Variants in ETFA observed in about 807,000 individuals in gnomAD.
The protein encoded by ETFA is electron transfer flavoprotein subunit alpha, also known as electron transfer flavoprotein subunit alpha, mitochondrial.
ETFA carries 22 observed loss-of-function variants against 46.2 expected under a neutral mutation model. That is an observed-to-expected ratio of 0.48 (90% CI 0.34 to 0.68). ETFA has a LOEUF of 0.68. Among genes scored for constraint, ETFA ranks in the 30% least tolerant of loss-of-function variants. The pLI, the probability that ETFA is intolerant of heterozygous loss-of-function variation, is 0.01. For missense variants in ETFA, 345 were observed against 401.1 expected (o/e 0.86, Z 1.19); for synonymous variants, 131 against 139.9 (o/e 0.94, Z 0.45).
At chr15:76,241,843 A>ATTT (rs148112189) in intron 9 of ETFA, among the ~76,000 whole-genome samples, 1 of 111,140 alleles carries the variant, frequency 9.0e-6, no homozygotes, top group Non-Finnish European at 1.7e-5. Flanking sequence ...TGACTATCAA[A>ATTT]TTTTTTTTTT....
chr15:76,259,634 C>G, intron 9 of ETFA: 1 of 886,596 alleles, frequency 1.1e-6, no homozygotes, highest in Non-Finnish European at 1.9e-6. Flanking sequence ...ACTTGACGGG[C>G]AATTTGGAGG....
chr15:76,294,888 T>A (rs2039801953), intron 2 of ETFA, among the ~76,000 whole-genome samples: 1 of 152,140 alleles, frequency 6.6e-6, no homozygotes, highest in Non-Finnish European at 1.5e-5. Flanking sequence ...CCTCAAAACA[T>A]ACTCCCTTCA....
rs2039063620 is a variant in ETFA at position 76,231,275 on chromosome 15, T to G, written c.882+58A>C. 5.6e-6 allele frequency: 6 copies of G among 1,076,200 alleles called. No individual in the cohort carries two copies. In the Admixed American group the frequency reaches 1.0e-4, roughly 18 times the overall value. The allele number at this position is 1,076,200 out of a possible 1,614,324, so 66.7% of individuals were successfully genotyped here. A position where few individuals can be genotyped will look rare whatever the true frequency, so the allele number is the denominator to read the frequency against. On this transcript the variant is annotated intron_variant, in intron 10 of 11. Transcript: ENST00000557943. ...TGTAACTACATGGAAACATACAAGG[T>G]AAGCCAAATCCTAAAATGTGGAAAC...
chr15:76,270,259 G>T (rs2039515110), intron 9 of ETFA, among the ~76,000 whole-genome samples: 1 of 152,122 alleles, frequency 6.6e-6, no homozygotes, highest in Non-Finnish European at 1.5e-5. Context: ...GGGCAAGGAG[G>T]GCATCTGTGC....
intron 11 of ETFA, among the ~76,000 whole-genome samples, chr15:76,218,162 T>C (rs992078178): frequency 6.6e-6 from 1 of 152,236 alleles, no homozygotes; most frequent in African/African-American, 2.4e-5. Flanking sequence ...GTTTAGAATA[T>C]ATAACTTTTT....
At chr15:76,262,013 C>T (rs780961000) in intron 9 of ETFA, among the ~76,000 whole-genome samples, 24 of 151,668 alleles carry the variant, frequency 1.6e-4, no homozygotes, top group Admixed American at 8.5e-4. Flanking sequence ...TATACCTATG[C>T]GCAAGGATGT....
chr15:76,230,470 CCCGCCTCGGCCTCCCAAAGTGCTGGGATT>C (rs2141462704), intron 10 of ETFA: 1 of 4,534 alleles, frequency 2.2e-4, no homozygotes, highest in Non-Finnish European at 8.7e-4. Flanking sequence ...TCGTGATCCG[CCCGCCTCGGCCTCCCAAAGTGCTGGGATT>C]ACAGGCGTGA....
At chr15:76,268,190 A>C (rs1481827446) in intron 9 of ETFA, among the ~76,000 whole-genome samples, 1 of 45,016 alleles carries the variant, frequency 2.2e-5, no homozygotes, top group Non-Finnish European at 3.9e-5. Context: ...CAGCTACAGC[A>C]AAAAAAAAAA....
Position 76,286,437 on chromosome 15 carries a change from A to G in ETFA, c.496T>C (p.Phe166Leu), listed in dbSNP as rs1341792644. 1 of 1,613,708 alleles carries G rather than the reference A, an allele frequency of 6.2e-7. No homozygotes were observed. The highest frequency in any genetic ancestry group is 1.1e-5 in the South Asian group (1 of 91,062). The change falls in exon 6 of 12, where the codon TTT becomes CTT. Residue 166 changes from phenylalanine to leucine, a missense_variant. Coordinates refer to ENST00000557943, the MANE Select transcript of ETFA (RefSeq NM_000126.4). ...TCAAAGGATGTTCCACGGACAGAAA[A>G]CACTTTCACTTTCTCATCACACTTC... ...TVKCDEKVKV[F>L]SVRGTSFDAA...
At chr15:76,281,078 C>T (rs2039645282) in intron 8 of ETFA, among the ~76,000 whole-genome samples, 3 of 152,104 alleles carry the variant, frequency 2.0e-5, no homozygotes. Flanking sequence ...CCATACCCAT[C>T]TAATTTTTGT....
chr15:76,266,981 T>C (rs1187993745), intron 9 of ETFA, among the ~76,000 whole-genome samples: 2 of 152,220 alleles, frequency 1.3e-5, no homozygotes, highest in Non-Finnish European at 2.9e-5. Context: ...GAGACATTAA[T>C]TGGATTCATC....
At chr15:76,268,887 T>C (rs1337522000) in intron 9 of ETFA, among the ~76,000 whole-genome samples, 1 of 152,162 alleles carries the variant, frequency 6.6e-6, no homozygotes, top group Non-Finnish European at 1.5e-5. Context: ...TTCAAAGTTG[T>C]GTTATGTTAC....
intron 9 of ETFA, among the ~76,000 whole-genome samples, chr15:76,254,911 A>G (rs1259544530): frequency 6.6e-6 from 1 of 152,242 alleles, no homozygotes; most frequent in Non-Finnish European, 1.5e-5. Context: ...TGTTTGAAAT[A>G]CTAAAGGTTT....
At chr15:76,250,102 TAAGAA>T (rs902703429) in intron 9 of ETFA, among the ~76,000 whole-genome samples, 2 of 151,720 alleles carry the variant, frequency 1.3e-5, no homozygotes, top group African/African-American at 4.8e-5. Flanking sequence ...CAACCATTAA[TAAGAA>T]AATAGGTAAA....
intron 9 of ETFA, chr15:76,259,190 G>A (rs530273609): frequency 4.5e-5 from 69 of 1,524,848 alleles, no homozygotes; most frequent in South Asian, 2.5e-4. Flanking sequence ...GCTGATCCCC[G>A]CTAGGCAGCT....
intron 4 of ETFA, among the ~76,000 whole-genome samples, chr15:76,290,368 G>A (rs1193644588): frequency 7.9e-6 from 1 of 126,552 alleles, no homozygotes; most frequent in Non-Finnish European, 1.6e-5. Context: ...ACAGGGTGTT[G>A]CTCTGTCACC....
chr15:76,303,828 C>T (rs975125129), intron 1 of ETFA, among the ~76,000 whole-genome samples: 4 of 152,214 alleles, frequency 2.6e-5, no homozygotes, highest in Admixed American at 2.0e-4. Flanking sequence ...AGAAAAGGAA[C>T]GCTTATATAC....
chr15:76,220,771 A>G (rs1170099869), intron 11 of ETFA, among the ~76,000 whole-genome samples: 1 of 152,228 alleles, frequency 6.6e-6, no homozygotes, highest in African/African-American at 2.4e-5. Context: ...CAAAACCACA[A>G]TGAGATACCA....
Position 76,300,382 on chromosome 15 carries a change from T to C in ETFA, c.40-4645A>G, listed in dbSNP as rs140364035. Among the ~76,000 whole-genome samples the C allele has an allele frequency of 2.7e-4, 41 of 152,280 alleles. No individual in the cohort carries two copies. In the East Asian group the frequency reaches 7.1e-3, roughly 26 times the overall value. Reference sequence around the variant, plus strand: ...TCCAGACTTCGATCTGCCCCAACCATGACCAGAGAATCATGTCTGGGTTTT... The same window carrying C: ...TCCAGACTTCGATCTGCCCCAACCACGACCAGAGAATCATGTCTGGGTTTT... On this transcript the variant is annotated intron_variant, in intron 1 of 11. Coordinates refer to ENST00000557943, the MANE Select transcript of ETFA (RefSeq NM_000126.4).
Sources: gnomAD v4.1 joint callset for allele counts (sites outside exome capture counted in the v4.1 genomes callset) on GRCh38, gnomAD v4.1.1 for gene constraint, MANE v1.5 for transcripts, NCBI Gene and HGNC (gene_info 2026-07-23, HGNC 2026-07-21) for gene names.